Variants in EHHADH observed in about 807,000 individuals in gnomAD.
EHHADH encodes the protein enoyl-CoA hydratase and 3-hydroxyacyl CoA dehydrogenase.
A neutral mutation model predicts 64.4 loss-of-function variants in EHHADH; 48 were observed. The ratio of observed to expected loss-of-function variants is 0.75; its 90% CI spans 0.59 to 0.95. EHHADH has a LOEUF of 0.95. Among genes scored for constraint, EHHADH ranks in the 40% least tolerant of loss-of-function variants. EHHADH has a pLI of 0.00. For missense variants in EHHADH, 854 were observed against 876.6 expected, an observed-to-expected ratio of 0.97 and a Z score of 0.33; for synonymous variants, 308 against 326.7, an observed-to-expected ratio of 0.94 and a Z score of 0.62.
intron 5 of EHHADH, among the ~76,000 whole-genome samples, chr3:185,211,547 A>G (rs182346661): frequency 1.3e-5 from 2 of 152,334 alleles, no homozygotes; most frequent in Non-Finnish European, 2.9e-5. Context: ...GAACACAGAC[A>G]TCAAGGAATC....
At chr3:185,226,075 T>C (rs1384827224) in intron 4 of EHHADH, among the ~76,000 whole-genome samples, 1 of 152,186 alleles carries the variant, frequency 6.6e-6, no homozygotes, top group African/African-American at 2.4e-5. Context: ...GTGGCTAGTC[T>C]CCAAAGTGAC....
In EHHADH at chr3:185,242,998, T is replaced by C. The variant is rs969653530; in HGVS notation, c.178+5416A>G. ...GGATCTCTGTGATGCTAGGCAGGAA[T>C]GGCCTGCCTGGGGACCCAGCAAGCT... is the stretch of plus-strand genomic sequence containing the variant. On this transcript the variant is annotated intron_variant, in intron 2 of 6. Coordinates refer to ENST00000231887, the MANE Select transcript of EHHADH (RefSeq NM_001966.4). Among the ~76,000 whole-genome samples, 7 of 152,364 alleles carry C rather than the reference T, an allele frequency of 4.6e-5. No individual in the cohort carries two copies. In the East Asian group the frequency reaches 1.4e-3, roughly 29 times the overall value.
intron 1 of EHHADH, among the ~76,000 whole-genome samples, chr3:185,251,332 A>G (rs1719740524): frequency 1.3e-5 from 2 of 152,202 alleles, no homozygotes; most frequent in Non-Finnish European, 2.9e-5. Flanking sequence ...CAAACAATAT[A>G]CCAAGTAAGG....
intron 6 of EHHADH, among the ~76,000 whole-genome samples, chr3:185,194,826 A>AAAAAAAAAAAAAAC (rs1718016403): frequency 6.9e-6 from 1 of 145,114 alleles, no homozygotes; most frequent in East Asian, 2.0e-4. Flanking sequence ...AAAAAAAAAA[A>AAAAAAAAAAAAAAC]AAGAAGCCTA....
intron 2 of EHHADH, among the ~76,000 whole-genome samples, chr3:185,242,626 T>C (rs1325995134): frequency 6.6e-6 from 1 of 152,178 alleles, no homozygotes; most frequent in Non-Finnish European, 1.5e-5. Context: ...TGGCTGCCTC[T>C]GCCGAGTCAT....
chr3:185,193,271 T>C lies in EHHADH; in HGVS notation c.1127A>G (p.Asp376Gly), dbSNP rs767699207. 1.9e-6 allele frequency: 3 copies of C among 1,603,504 alleles called. No individual in the cohort carries two copies. The highest frequency in any genetic ancestry group is 2.6e-6 in the Non-Finnish European group (3 of 1,175,534). Residue 376 changes from aspartate to glycine, a missense_variant, in exon 7 of 7, where the codon GAT (aspartate) becomes GGT (glycine). Transcript: ENST00000231887. ...CTCAAATACTGCTTCAATGACTAAA[T>C]CTACACCACCAAGCTCCTTCACAGA... ...TSSVKELGGV[D>G]LVIEAVFEEM...
intron 6 of EHHADH, among the ~76,000 whole-genome samples, chr3:185,202,562 C>T (rs527440393): frequency 1.3e-5 from 2 of 152,256 alleles, no homozygotes; most frequent in South Asian, 2.1e-4. Flanking sequence ...GGTACCAGTC[C>T]GTGACCTGTT....
At position 185,193,085 on chromosome 3, in the gene EHHADH, T is replaced by C. The variant is rs1717949970; in HGVS notation, c.1313A>G (p.His438Arg). ...VIGTHFFSPAHVMKLLEVIPS... is the reference protein window; with the variant it reads ...VIGTHFFSPARVMKLLEVIPS... ...AATAACCTCTAACAACTTCATGACA[T>C]GAGCTGGCGAAAAGAAGTGGGTGCC... The change falls in exon 7 of 7, where the codon CAT (histidine) becomes CGT (arginine). Residue 438 changes from histidine to arginine, a missense_variant. By Grantham distance (29) the His-to-Arg change is conservative (BLOSUM62 0). Transcript: ENST00000231887. 1 of 1,612,836 alleles carries C rather than the reference T, an allele frequency of 6.2e-7. No individual in the cohort carries two copies. Among genetic ancestry groups the C allele is most frequent in the African/African-American group, 1.3e-5 (1 of 74,858 alleles).
At chr3:185,197,423 A>T (rs919629197) in intron 6 of EHHADH, among the ~76,000 whole-genome samples, 7 of 151,930 alleles carry the variant, frequency 4.6e-5, no homozygotes, top group Non-Finnish European at 1.0e-4. Context: ...CAAAGCTGAA[A>T]CTCTGCACCT....
chr3:185,220,843 C>T (rs763130136), intron 4 of EHHADH, among the ~76,000 whole-genome samples: 1 of 152,178 alleles, frequency 6.6e-6, no homozygotes, highest in Non-Finnish European at 1.5e-5. Context: ...AGCTTCTTTT[C>T]TAACCTTTAC....
chr3:185,210,180 T>C (rs893553402), intron 5 of EHHADH, among the ~76,000 whole-genome samples: 11 of 152,292 alleles, frequency 7.2e-5, no homozygotes, highest in Non-Finnish European at 1.6e-4. Context: ...GAGTTGGATC[T>C]CTGTCTTGTG....
At chr3:185,253,716 CG>C in intron 1 of EHHADH, 1 of 965,758 alleles carries the variant, frequency 1.0e-6, no homozygotes, top group African/African-American at 1.8e-5. Context: ...ATCAGTAAAA[CG>C]GGGACGAGAG....
chr3:185,194,344 G>A (rs895166476), intron 6 of EHHADH, among the ~76,000 whole-genome samples: 2 of 152,092 alleles, frequency 1.3e-5, no homozygotes, highest in Non-Finnish European at 2.9e-5. Flanking sequence ...CAGGTGCAAT[G>A]GCTCACACTT....
chr3:185,225,014 C>T (rs992254598), intron 4 of EHHADH, among the ~76,000 whole-genome samples: 1 of 152,162 alleles, frequency 6.6e-6, no homozygotes, highest in African/African-American at 2.4e-5. Context: ...GGGCCAGATA[C>T]CGTTTATGAA....
rs1462228894 is a variant in EHHADH at position 185,192,484 on chromosome 3, C to T, written c.1914G>A (p.Gly638=). 5 of 1,614,182 alleles carry T rather than the reference C, an allele frequency of 3.1e-6. No individual in the cohort carries two copies. Residue 638 remains glycine (G), a synonymous_variant, in exon 7 of 7, where the codon GGG becomes GGA. Coordinates refer to ENST00000231887, the MANE Select transcript of EHHADH (RefSeq NM_001966.4). The part of the protein sequence containing the change: ...INEAFRILGE[G]IAASPEHIDV... ...CAATGTGCTCTGGGCTAGCAGCTAT[C>T]CCTTCTCCCAAGATACGGAATGCTT...
At chr3:185,221,567 A>AT (rs982017002) in intron 4 of EHHADH, among the ~76,000 whole-genome samples, 10 of 107,572 alleles carry the variant, frequency 9.3e-5, no homozygotes, top group South Asian at 3.0e-4. Flanking sequence ...GCCTCATGAT[A>AT]TTTTTTTTTC....
At chr3:185,198,858 A>AC (rs1365124169) in intron 6 of EHHADH, among the ~76,000 whole-genome samples, 1 of 152,102 alleles carries the variant, frequency 6.6e-6, no homozygotes, top group African/African-American at 2.4e-5. Flanking sequence ...TTCAAAAAAA[A>AC]AAAATTTAAA....
chr3:185,192,372 G>C lies in EHHADH; in HGVS notation c.2026C>G (p.Leu676Val). Residue 676 changes from leucine (L) to valine (V), a missense_variant, in exon 7 of 7, where the codon CTA becomes GTA. Physicochemically the swap from Leu to Val is conservative, Grantham distance 32. Transcript: ENST00000231887. Reference sequence around the variant, plus strand: ...CTGTAATATTTCTGCAATTTCTCTAGAACTGTGGGCAACCCAACTGTGGAA... The same window carrying C: ...CTGTAATATTTCTGCAATTTCTCTACAACTGTGGGCAACCCAACTGTGGAA... ...YASTVGLPTV[L>V]EKLQKYYRQN... 4 of 1,614,180 alleles carry C rather than the reference G, an allele frequency of 2.5e-6. No homozygotes were observed. The highest frequency in any genetic ancestry group is 3.4e-6 in the Non-Finnish European group (4 of 1,180,042).
intron 4 of EHHADH, among the ~76,000 whole-genome samples, chr3:185,226,603 T>C (rs2108642322): frequency 6.7e-6 from 1 of 149,322 alleles, no homozygotes. Context: ...GAGCCAAGAT[T>C]GTGCCACTGC....
Sources: gnomAD v4.1 joint callset for allele counts (sites outside exome capture counted in the v4.1 genomes callset) on GRCh38, gnomAD v4.1.1 for gene constraint, MANE v1.5 for transcripts, NCBI Gene and HGNC (gene_info 2026-07-23, HGNC 2026-07-21) for gene names.